LRRTM4: variants seen among roughly 807,000 people sequenced by gnomAD.
LRRTM4 encodes the protein leucine rich repeat transmembrane neuronal 4.
Under a neutral mutation model 47.6 loss-of-function variants are expected in LRRTM4, and 25 were observed. The ratio of observed to expected loss-of-function variants is 0.53; its 90% confidence interval spans 0.38 to 0.73. The LOEUF (loss-of-function observed/expected upper bound fraction) is 0.73. Ranked by LOEUF, LRRTM4 falls within the 30% of genes least tolerant of loss-of-function variation. The pLI is 0.00. For synonymous variants in LRRTM4, 311 were observed against 269.5 expected (o/e 1.15, Z -1.51); for missense variants, 638 against 713.4 (o/e 0.89, Z 1.20).
chr2:77,061,593 A>T (rs991401256), intron 3 of LRRTM4, among the ~76,000 whole-genome samples: 2 of 152,118 alleles, frequency 1.3e-5, no homozygotes, highest in African/African-American at 4.8e-5. Flanking sequence ...TAGCAAGATT[A>T]AACACTGCTT....
At chr2:77,185,824 G>T (rs1311406712) in intron 3 of LRRTM4, among the ~76,000 whole-genome samples, 2 of 152,092 alleles carry the variant, frequency 1.3e-5, no homozygotes, top group African/African-American at 4.8e-5. Context: ...TTGAATTACT[G>T]TTCAGTCATT....
chr2:76,800,894 C>T (rs1016471683), intron 3 of LRRTM4, among the ~76,000 whole-genome samples: 1 of 151,306 alleles, frequency 6.6e-6, no homozygotes, highest in African/African-American at 2.4e-5. Flanking sequence ...AAATGAAAAC[C>T]ACAATGAGAT....
chr2:77,445,270 G>A (rs1198371178), intron 3 of LRRTM4, among the ~76,000 whole-genome samples: 2 of 151,896 alleles, frequency 1.3e-5, no homozygotes, highest in East Asian at 3.9e-4. Context: ...ACCTCCCAGA[G>A]TTGTAGTGGG....
At chr2:77,133,175 T>G (rs991381001) in intron 3 of LRRTM4, among the ~76,000 whole-genome samples, 1 of 152,156 alleles carries the variant, frequency 6.6e-6, no homozygotes, top group African/African-American at 2.4e-5. Context: ...TTTTATTTGT[T>G]TAGAAATAAA....
chr2:77,379,233 C>T (rs1333243085), intron 3 of LRRTM4, among the ~76,000 whole-genome samples: 7 of 151,758 alleles, frequency 4.6e-5, no homozygotes, highest in Admixed American at 4.6e-4. Flanking sequence ...TTATTCTCAC[C>T]CTCCCCTGTT....
At chr2:77,345,277 T>C (rs1412659304) in intron 3 of LRRTM4, among the ~76,000 whole-genome samples, 4 of 151,876 alleles carry the variant, frequency 2.6e-5, no homozygotes, top group Non-Finnish European at 5.9e-5. Flanking sequence ...AATGTCAAAC[T>C]CTATTTTTAA....
intron 3 of LRRTM4, among the ~76,000 whole-genome samples, chr2:76,893,064 A>C (rs2103718861): frequency 6.6e-6 from 1 of 151,724 alleles, no homozygotes; most frequent in Admixed American, 6.6e-5. Flanking sequence ...AAGCAAAAAA[A>C]AAAAAATCAA....
intron 3 of LRRTM4, among the ~76,000 whole-genome samples, chr2:77,173,899 T>C (rs1325012327): frequency 6.6e-6 from 1 of 152,212 alleles, no homozygotes; most frequent in Admixed American, 6.5e-5. Flanking sequence ...AACCTTTTTC[T>C]AAAAGAAGGA....
intron 3 of LRRTM4, among the ~76,000 whole-genome samples, chr2:77,058,213 C>G (rs984207921): frequency 6.6e-6 from 1 of 152,130 alleles, no homozygotes; most frequent in African/African-American, 2.4e-5. Context: ...TCATAGGTCA[C>G]AAATCAGAGG....
chr2:76,829,897 T>G (rs1464396547), intron 3 of LRRTM4, among the ~76,000 whole-genome samples: 1 of 152,042 alleles, frequency 6.6e-6, no homozygotes, highest in Non-Finnish European at 1.5e-5. Flanking sequence ...AATAATAGAA[T>G]TATGGAGAGT....
intron 3 of LRRTM4, among the ~76,000 whole-genome samples, chr2:77,307,541 A>T (rs1447792698): frequency 7.2e-6 from 1 of 139,402 alleles, no homozygotes; most frequent in East Asian, 2.2e-4. Context: ...ATATAGATAT[A>T]TCTATATATT....
chr2:77,035,223 C>T (rs550516954), intron 3 of LRRTM4, among the ~76,000 whole-genome samples: 1 of 151,418 alleles, frequency 6.6e-6, no homozygotes, highest in Non-Finnish European at 1.5e-5. Context: ...CCCCCCACCC[C>T]GGTGTGTGAT....
chr2:76,881,105 C>G (rs576406581), intron 3 of LRRTM4, among the ~76,000 whole-genome samples: 1 of 152,122 alleles, frequency 6.6e-6, no homozygotes, highest in East Asian at 1.9e-4. Flanking sequence ...TCCCAACACA[C>G]AGAAATAATA....
At chr2:76,831,302 A>T (rs376681010) in intron 3 of LRRTM4, among the ~76,000 whole-genome samples, 33 of 152,262 alleles carry the variant, frequency 2.2e-4, no homozygotes, top group Middle Eastern at 3.4e-3. Flanking sequence ...TGTAAATTTG[A>T]TATTTCTGCT....
intron 3 of LRRTM4, among the ~76,000 whole-genome samples, chr2:77,114,566 G>A (rs1471102105): frequency 6.6e-6 from 1 of 152,068 alleles, no homozygotes; most frequent in Non-Finnish European, 1.5e-5. Flanking sequence ...TTAGGAAAAA[G>A]AAAAACCATG....
intron 3 of LRRTM4, among the ~76,000 whole-genome samples, chr2:77,276,848 A>G (rs2104088263): frequency 2.6e-5 from 4 of 151,440 alleles, no homozygotes; most frequent in African/African-American, 9.7e-5. Context: ...TCTAGCGTTC[A>G]GAAGACAGGA....
intron 3 of LRRTM4, among the ~76,000 whole-genome samples, chr2:76,808,521 C>T (rs894513882): frequency 6.6e-6 from 1 of 151,274 alleles, no homozygotes; most frequent in Non-Finnish European, 1.5e-5. Context: ...GAAAGAAACA[C>T]AATCACAATT....
intron 3 of LRRTM4, among the ~76,000 whole-genome samples, chr2:77,371,776 C>T (rs931671943): frequency 6.6e-6 from 1 of 151,624 alleles, no homozygotes; most frequent in African/African-American, 2.4e-5. Context: ...AATGACCTTC[C>T]TTGGCCCCAC....
intron 3 of LRRTM4, among the ~76,000 whole-genome samples, chr2:77,165,203 G>A (rs2103819238): frequency 6.6e-6 from 1 of 152,214 alleles, no homozygotes; most frequent in South Asian, 2.1e-4. Context: ...AAATAAACCA[G>A]AAAATCTAGA....
Sources: allele counts gnomAD v4.1 joint callset (sites outside exome capture counted in the v4.1 genomes callset), GRCh38; gene constraint gnomAD v4.1.1; transcripts MANE v1.5; gene names NCBI Gene and HGNC (gene_info 2026-07-23, HGNC 2026-07-21).